KPNA1: variants seen among roughly 807,000 people sequenced by gnomAD.
KPNA1 encodes the protein importin subunit alpha-5.
A neutral mutation model predicts 70.5 loss-of-function variants in KPNA1; 10 were observed. That is an observed-to-expected ratio of 0.14 (90% confidence interval 0.09 to 0.24). The LOEUF is 0.24. KPNA1 is among the 10% of genes least tolerant of loss of function. The pLI is 1.00. For missense variants in KPNA1, 397 were observed against 637.9 expected (o/e 0.62, Z 4.07); for synonymous variants, 192 against 221.9 (o/e 0.87, Z 1.20).
chr3:122,429,219 C>T (rs959491000), intron 12 of KPNA1, among the ~76,000 whole-genome samples: 9 of 151,966 alleles, frequency 5.9e-5, no homozygotes, highest in African/African-American at 1.2e-4. Flanking sequence ...GGGAGGCCAA[C>T]GCGGGTGGAT....
At chr3:122,478,260 T>G (rs576769311) in intron 2 of KPNA1, among the ~76,000 whole-genome samples, 5 of 149,050 alleles carry the variant, frequency 3.4e-5, no homozygotes, top group Non-Finnish European at 7.4e-5. Context: ...AAAAAACAAA[T>G]CTAAACCACA....
At position 122,442,022 on chromosome 3, in the gene KPNA1, TACC is replaced by T. The variant is rs2076070357; in HGVS notation, c.996+13_996+15del. 1.9e-6 allele frequency: 3 copies of T among 1,591,754 alleles called. No homozygotes were observed. The highest frequency in any genetic ancestry group is 1.3e-5 in the African/African-American group (1 of 74,374). ...CTGTTTTTAAAGGACAAAAAAAAGT[TACC>T]ACTTCTTCATACCTGTGTCTGAATA... On this transcript the variant is annotated intron_variant, in intron 10 of 13. Coordinates refer to ENST00000344337, the MANE Select transcript of KPNA1 (RefSeq NM_002264.4).
chr3:122,510,794 G>A (rs745406338), intron 1 of KPNA1, among the ~76,000 whole-genome samples: 11 of 152,182 alleles, frequency 7.2e-5, no homozygotes, highest in Admixed American at 3.3e-4. Flanking sequence ...AGCTTTTCAA[G>A]TGCAGAGGCT....
At chr3:122,482,838 G>C (rs1166029112) in intron 2 of KPNA1, among the ~76,000 whole-genome samples, 1 of 152,178 alleles carries the variant, frequency 6.6e-6, no homozygotes, top group Admixed American at 6.5e-5. Context: ...AGAATGTAAA[G>C]ATGACCTAAC....
chr3:122,437,962 T>C (rs2076011229), intron 10 of KPNA1, among the ~76,000 whole-genome samples: 2 of 152,256 alleles, frequency 1.3e-5, no homozygotes, highest in Admixed American at 1.3e-4. Context: ...TTCCAATGAC[T>C]TGTGGCTATG....
At chr3:122,444,803 T>G (rs2076114286) in intron 9 of KPNA1, among the ~76,000 whole-genome samples, 1 of 152,154 alleles carries the variant, frequency 6.6e-6, no homozygotes, top group South Asian at 2.1e-4. Flanking sequence ...GACCTGCAGC[T>G]GAGGGAACTG....
chr3:122,496,477 TCCTC>T lies in KPNA1; in HGVS notation c.85_88del (p.Glu29LysfsTer58). Reference sequence around the variant, plus strand: ...CTGCTTTCGTAACTGCAGTCCTTCTTCCTCCCTCCTCCTGCGCATCTCATCGGGA... The same window carrying T: ...CTGCTTTCGTAACTGCAGTCCTTCTTCCTCCTCCTGCGCATCTCATCGGGA... On this transcript the variant is annotated frameshift_variant, in exon 2 of 14. Transcript: ENST00000344337. LOFTEE classifies it high-confidence loss of function. The T allele has an allele frequency of 6.2e-7, 1 of 1,613,956 alleles. No homozygotes were observed. The highest frequency in any genetic ancestry group is 8.5e-7 in the Non-Finnish European group (1 of 1,179,846).
At chr3:122,476,495 A>G (rs1310027542) in intron 2 of KPNA1, among the ~76,000 whole-genome samples, 1 of 152,210 alleles carries the variant, frequency 6.6e-6, no homozygotes, top group Non-Finnish European at 1.5e-5. Context: ...ATGCAACAGA[A>G]GAAAATATTT....
At chr3:122,452,749 CAG>C (rs1233696376) in intron 6 of KPNA1, among the ~76,000 whole-genome samples, 2 of 138,008 alleles carry the variant, frequency 1.4e-5, no homozygotes, top group African/African-American at 5.5e-5. Context: ...GAAGGAGAGA[CAG>C]AGGGAAGGAG....
chr3:122,439,564 A>G (rs2076036723), intron 10 of KPNA1, among the ~76,000 whole-genome samples: 1 of 151,140 alleles, frequency 6.6e-6, no homozygotes, highest in Non-Finnish European at 1.5e-5. Flanking sequence ...CTAAAATCTT[A>G]AGGAGAAATT....
intron 5 of KPNA1, chr3:122,460,370 G>C (rs1378932304): frequency 2.1e-6 from 2 of 966,914 alleles, no homozygotes; most frequent in East Asian, 1.1e-4. Flanking sequence ...GGGAGCAGTG[G>C]CTCACACCTG....
At chr3:122,442,629 A>G in intron 9 of KPNA1, 1 of 153,428 alleles carries the variant, frequency 6.5e-6, no homozygotes, top group Middle Eastern at 3.2e-3. Flanking sequence ...TTACTGGTCC[A>G]AAAACCACTC....
intron 2 of KPNA1, among the ~76,000 whole-genome samples, chr3:122,494,904 G>A (rs1160259492): frequency 6.6e-6 from 1 of 152,020 alleles, no homozygotes; most frequent in East Asian, 1.9e-4. Context: ...GGGTTCACAT[G>A]TATCATACAT....
At chr3:122,466,800 G>A (rs767111836) in intron 3 of KPNA1, among the ~76,000 whole-genome samples, 54 of 152,134 alleles carry the variant, frequency 3.5e-4, no homozygotes, top group Non-Finnish European at 6.6e-4. Flanking sequence ...TTGAGGCCAG[G>A]AGTTCACCTG....
Position 122,425,436 on chromosome 3 carries a change from CAG to C in KPNA1, c.*1547_*1548del, listed in dbSNP as rs1045432329. 4 of 152,584 alleles carry C rather than the reference CAG, an allele frequency of 2.6e-5. No homozygotes were observed. Among genetic ancestry groups the C allele is most frequent in the East Asian group, 1.9e-4 (1 of 5,198 alleles). 9.5% of individuals were successfully genotyped at this position (152,584 alleles called of 1,614,324 possible). A position where few individuals can be genotyped will look rare whatever the true frequency, so the allele number is the denominator to read the frequency against. ...AGGTTTAAAAGGGTATGCTCTGAAA[CAG>C]AGGTGAGCAACCTTTTCCTTCAGAA... On this transcript the variant is annotated 3_prime_UTR_variant, in exon 14 of 14. Coordinates refer to ENST00000344337, the MANE Select transcript of KPNA1 (RefSeq NM_002264.4).
intron 11 of KPNA1, among the ~76,000 whole-genome samples, chr3:122,435,810 T>C (rs116608133): frequency 0.011 from 1,636 of 152,298 alleles, 25 homozygotes; most frequent in African/African-American, 0.038. Context: ...AATCCCGTCA[T>C]CTTCATTAAG....
At chr3:122,442,318 T>C (rs2076075488) in intron 9 of KPNA1, among the ~76,000 whole-genome samples, 1 of 152,170 alleles carries the variant, frequency 6.6e-6, no homozygotes, top group Non-Finnish European at 1.5e-5. Context: ...TTTTAGTACA[T>C]TTGGAAAAAA....
At chr3:122,442,527 C>T (rs1403990661) in intron 9 of KPNA1, among the ~76,000 whole-genome samples, 9 of 152,118 alleles carry the variant, frequency 5.9e-5, no homozygotes, top group Non-Finnish European at 1.3e-4. Context: ...GTAAAAGTGA[C>T]ACATCAACAG....
intron 1 of KPNA1, among the ~76,000 whole-genome samples, chr3:122,511,319 T>C (rs1329207139): frequency 6.6e-6 from 1 of 152,128 alleles, no homozygotes; most frequent in African/African-American, 2.4e-5. Context: ...GGAAAAACAA[T>C]CATGATGAGT....
Sources: allele counts gnomAD v4.1 joint callset (sites outside exome capture counted in the v4.1 genomes callset), GRCh38; gene constraint gnomAD v4.1.1; transcripts MANE v1.5; gene names NCBI Gene and HGNC (gene_info 2026-07-23, HGNC 2026-07-21).